TCEANC2: variants seen among roughly 807,000 people sequenced by gnomAD.
TCEANC2 encodes transcription elongation factor A N-terminal and central domain containing 2.
TCEANC2 carries 20 observed loss-of-function variants against 22.8 expected under a neutral mutation model. The observed-to-expected ratio is 0.88, with a 90% CI of 0.62 to 1.28. The LOEUF (loss-of-function observed/expected upper bound fraction) is 1.28, where lower values mean the gene tolerates loss of function less well. TCEANC2 is among the 50% of genes most tolerant of loss of function. The pLI is 0.00. For missense variants in TCEANC2, 251 were observed against 249.7 expected (o/e 1.01, Z -0.03); for synonymous variants, 84 against 95.5 (o/e 0.88, Z 0.70).
At chr1:54,078,551 C>T (rs1359178273) in intron 3 of TCEANC2, among the ~76,000 whole-genome samples, 1 of 152,098 alleles carries the variant, frequency 6.6e-6, no homozygotes, top group Non-Finnish European at 1.5e-5. Context: ...AATTTTCTCT[C>T]AGTATTTGCA....
At chr1:54,106,923 C>T (rs1207819087), downstream of TCEANC2, among the ~76,000 whole-genome samples, 1 of 152,090 alleles carries the variant, frequency 6.6e-6, no homozygotes. Flanking sequence ...GGCAAAAATA[C>T]AGAGAGTTCA....
intron 2 of TCEANC2, among the ~76,000 whole-genome samples, chr1:54,067,987 T>C (rs1387123994): frequency 6.6e-6 from 1 of 152,210 alleles, no homozygotes; most frequent in African/African-American, 2.4e-5. Context: ...TAAAAAATTA[T>C]TAGTGGAATA....
chr1:54,087,959 A>G (rs1033575594), intron 3 of TCEANC2, among the ~76,000 whole-genome samples: 1 of 152,066 alleles, frequency 6.6e-6, no homozygotes, highest in Non-Finnish European at 1.5e-5. Flanking sequence ...TCTTTTGGGG[A>G]AGAGGATAAG....
intron 1 of TCEANC2, chr1:54,054,175 A>G: frequency 1.5e-6 from 2 of 1,303,282 alleles, no homozygotes; most frequent in Non-Finnish European, 2.0e-6. Flanking sequence ...GGAACCTCCT[A>G]ACTCAGGACG....
At chr1:54,085,999 G>T (rs544897194) in intron 3 of TCEANC2, among the ~76,000 whole-genome samples, 1 of 152,134 alleles carries the variant, frequency 6.6e-6, no homozygotes, top group South Asian at 2.1e-4. Context: ...ATCGCAAAGT[G>T]TTGAGATTAT....
chr1:54,063,084 T>C (rs1306888819), intron 2 of TCEANC2, among the ~76,000 whole-genome samples: 1 of 152,202 alleles, frequency 6.6e-6, no homozygotes, highest in Non-Finnish European at 1.5e-5. Context: ...TGAAGCTAAA[T>C]AGTTCCAGGG....
chr1:54,069,193 C>T (rs902118424), intron 3 of TCEANC2, among the ~76,000 whole-genome samples: 34 of 152,192 alleles, frequency 2.2e-4, no homozygotes, highest in African/African-American at 8.2e-4. Flanking sequence ...TAAATGCTTA[C>T]ATTTAATTTA....
chr1:54,083,629 A>G (rs2100376838), intron 3 of TCEANC2, among the ~76,000 whole-genome samples: 1 of 152,264 alleles, frequency 6.6e-6, no homozygotes, highest in East Asian at 1.9e-4. Flanking sequence ...TTTCTTGGAG[A>G]GAGAAAAGGT....
At chr1:54,060,812 C>T (rs1014661459) in intron 2 of TCEANC2, among the ~76,000 whole-genome samples, 2 of 151,742 alleles carry the variant, frequency 1.3e-5, no homozygotes, top group Non-Finnish European at 2.9e-5. Context: ...TGGTGGTGGG[C>T]GCCTGTAATC....
chr1:54,072,904 T>G (rs1658084283), intron 3 of TCEANC2, among the ~76,000 whole-genome samples: 1 of 152,222 alleles, frequency 6.6e-6, no homozygotes, highest in Non-Finnish European at 1.5e-5. Flanking sequence ...CTGATGGTAC[T>G]TGCCTTCCCA....
In TCEANC2 at chr1:54,098,811, T is replaced by G. The variant is rs973038579; in HGVS notation, c.*2338T>G. The G allele has an allele frequency of 6.6e-6, 1 of 152,130 alleles. No homozygotes were observed. The highest frequency in any genetic ancestry group is 2.4e-5 in the African/African-American group (1 of 41,400). 9.4% of individuals were successfully genotyped at this position (152,130 alleles called of 1,614,324 possible). The stretch of plus-strand genomic sequence containing the variant: ...AAGGGCAGGAGTTTGGATAGGGGAA[T>G]GTTAGTTAATAGAATGAAAATTTCA... On this transcript the variant is annotated 3_prime_UTR_variant, in exon 5 of 5. Transcript: ENST00000234827.
rs1159450898 is a variant in TCEANC2, at chr1:54,111,996, T to C, written n.2015T>C. 3.3e-5 allele frequency: 5 copies of C among 152,338 alleles called. 1 individual carries two copies. The East Asian group carries it at 9.6e-4, about 29-fold the overall frequency. 9.4% of individuals were successfully genotyped at this position (152,338 alleles called of 1,614,324 possible). A position where few individuals can be genotyped will look rare whatever the true frequency, so the allele number is the denominator to read the frequency against. On this transcript the variant is annotated non_coding_transcript_exon_variant, in exon 5 of 5. Transcript: ENST00000498272. ...TCTCTTCACTTTCTCTTCAGCTCCA[T>C]GAAGGAGCATTTAACTTTTGGAAGG...
intron 3 of TCEANC2, among the ~76,000 whole-genome samples, chr1:54,087,188 T>G (rs967170639): frequency 6.6e-6 from 1 of 152,216 alleles, no homozygotes; most frequent in African/African-American, 2.4e-5. Flanking sequence ...TTCTTCCATT[T>G]TTTAAACTTT....
intron 2 of TCEANC2, among the ~76,000 whole-genome samples, chr1:54,056,807 C>T (rs1657760814): frequency 6.6e-6 from 1 of 151,992 alleles, no homozygotes; most frequent in South Asian, 2.1e-4. Flanking sequence ...ATTGGGAGGC[C>T]AAGGCAGATG....
chr1:54,079,251 G>T (rs956594727), intron 3 of TCEANC2, among the ~76,000 whole-genome samples: 1 of 152,024 alleles, frequency 6.6e-6, no homozygotes, highest in African/African-American at 2.4e-5. Context: ...TCACATCTAT[G>T]ACCTTGTTTG....
chr1:54,067,324 G>A (rs752701503), intron 2 of TCEANC2, among the ~76,000 whole-genome samples: 224 of 152,336 alleles, frequency 1.5e-3, no homozygotes, highest in Non-Finnish European at 1.6e-3. Flanking sequence ...GGGAGAGCCT[G>A]TGGGAGGTGG....
rs41294778 is a variant in TCEANC2 at position 54,053,619 on chromosome 1, G to A, written c.-182G>A. ...GTTCGCTGTGGCCCAGAGGCGCGAG[G>A]GCCGGCGGAGTTTCTTCAGAGGAAC... On this transcript the variant is annotated 5_prime_UTR_variant, in exon 1 of 5. Transcript: ENST00000234827. 1,836 of 165,524 alleles carry A rather than the reference G, an allele frequency of 0.011. 16 individuals are homozygous for A. The highest frequency in any genetic ancestry group is 0.043 in the Middle Eastern group (15 of 348). The allele number at this position is 165,524 out of a possible 1,614,324, so 10.3% of individuals were successfully genotyped here.
Position 54,101,632 on chromosome 1 carries a change from T to C in TCEANC2, c.*5159T>C, listed in dbSNP as rs1255765024. The C allele has an allele frequency of 6.6e-6, 1 of 152,074 alleles. No homozygotes were observed. The highest frequency in any genetic ancestry group is 2.1e-4 in the South Asian group (1 of 4,820). The allele number at this position is 152,074 out of a possible 1,614,324, so 9.4% of individuals were successfully genotyped here. The stretch of plus-strand genomic sequence containing the variant: ...CTGTAAACAGACAATAAACAGACAA[T>C]TTTTACTATTTATTTTTATTTTGGG... On this transcript the variant is annotated 3_prime_UTR_variant, in exon 5 of 5. Transcript: ENST00000234827.
intron 2 of TCEANC2, among the ~76,000 whole-genome samples, chr1:54,055,214 C>T (rs1426406352): frequency 6.6e-6 from 1 of 152,160 alleles, no homozygotes; most frequent in African/African-American, 2.4e-5. Context: ...ATCCACCCGC[C>T]TCTTGTCTCC....
Sources: allele counts gnomAD v4.1 joint callset (sites outside exome capture counted in the v4.1 genomes callset), GRCh38; gene constraint gnomAD v4.1.1; transcripts MANE v1.5; gene names NCBI Gene and HGNC (gene_info 2026-07-23, HGNC 2026-07-21).